Variants in KLHL5 observed in about 807,000 individuals in gnomAD.
KLHL5 encodes the protein kelch like family member 5.
In KLHL5, 48 loss-of-function variants were observed where a neutral mutation model predicts 77.7. That is an observed-to-expected ratio of 0.62 (90% CI 0.49 to 0.79). The LOEUF is 0.79. KLHL5 is among the 30% of genes least tolerant of loss of function. The pLI is 0.00. For missense variants in KLHL5, 723 were observed against 859.7 expected, an observed-to-expected ratio of 0.84 and a Z score of 1.99; for synonymous variants, 260 against 297.0, an observed-to-expected ratio of 0.88 and a Z score of 1.28.
intron 10 of KLHL5, among the ~76,000 whole-genome samples, chr4:39,116,618 GA>G (rs1722858908): frequency 6.6e-6 from 1 of 152,098 alleles, no homozygotes; most frequent in East Asian, 1.9e-4. Context: ...AAATGTGAAA[GA>G]AATGTCACCA....
intron 10 of KLHL5, among the ~76,000 whole-genome samples, chr4:39,119,868 A>G (rs1474636812): frequency 6.6e-6 from 1 of 152,234 alleles, no homozygotes; most frequent in Non-Finnish European, 1.5e-5. Context: ...ACATTTTGAT[A>G]TAAATGATTT....
chr4:39,077,671 G>A (rs565328341), intron 2 of KLHL5, among the ~76,000 whole-genome samples: 2 of 146,432 alleles, frequency 1.4e-5, no homozygotes, highest in African/African-American at 5.1e-5. Context: ...AAACAGTGTG[G>A]ATATTCCTTA....
intron 1 of KLHL5, among the ~76,000 whole-genome samples, chr4:39,065,685 A>T (rs1017362461): frequency 6.6e-6 from 1 of 152,108 alleles, no homozygotes; most frequent in African/African-American, 2.4e-5. Flanking sequence ...CTTTGGAACA[A>T]TTCTTTTTCT....
At position 39,098,294 on chromosome 4, in the gene KLHL5, G is replaced by A. The variant is rs528257885; in HGVS notation, c.1300+1416G>A. 1.3e-4 allele frequency among the ~76,000 whole-genome samples: 20 copies of A among 151,788 alleles called. No homozygotes were observed. In the East Asian group the frequency reaches 3.7e-3, roughly 28 times the overall value. ...TTTTTTTGTTTTGAGATAGAGTCTT[G>A]TTCTGTCACCCAGGCTGAAGTGCAG... On this transcript the variant is annotated intron_variant, in intron 6 of 10. Transcript: ENST00000504108.
At chr4:39,115,043 A>G (rs1655075621) in intron 9 of KLHL5, 116 bp from the exon 10 acceptor site, 1 of 890,246 alleles carries the variant, frequency 1.1e-6, no homozygotes, top group Non-Finnish European at 1.7e-6. Flanking sequence ...AATATGTTCA[A>G]ATGTATTTGA....
chr4:39,130,638 G>A (rs1021990436), downstream of KLHL5, among the ~76,000 whole-genome samples: 1 of 152,132 alleles, frequency 6.6e-6, no homozygotes, highest in Non-Finnish European at 1.5e-5. Flanking sequence ...GAACCCAGGT[G>A]ATTCTAATGT....
At chr4:39,135,239 A>C in the KLHL5 span, 1 of 152,230 alleles carries the variant, frequency 6.6e-6, no homozygotes, top group Non-Finnish European at 1.5e-5. Flanking sequence ...AGAAAGCAGT[A>C]GGAATATCGT....
intron 1 of KLHL5, among the ~76,000 whole-genome samples, chr4:39,064,077 G>T (rs780150287): frequency 9.9e-5 from 15 of 152,052 alleles, no homozygotes; most frequent in Non-Finnish European, 1.6e-4. Flanking sequence ...AATGATGTAG[G>T]TGTCATATGG....
chr4:39,074,910 C>T (rs567481307), intron 1 of KLHL5, among the ~76,000 whole-genome samples: 21 of 152,244 alleles, frequency 1.4e-4, no homozygotes, highest in Middle Eastern at 3.4e-3. Context: ...ACTTTGATTA[C>T]TTGATTTAAG....
Position 39,096,799 on chromosome 4 carries a change from G to A in KLHL5, c.1221G>A (p.Met407Ile), listed in dbSNP as rs574459148. The A allele has an allele frequency of 4.3e-6, 7 of 1,613,924 alleles. No homozygotes were observed. In the South Asian group the frequency reaches 7.7e-5, roughly 18 times the overall value. ...KYHLLPERRP[M>I]LQSPRTKPRK... ...ATTTATTACCAGAGAGACGACCCAT[G>A]TTACAAAGTCCTCGGACAAAACCTA... The change falls in exon 6 of 11, where the codon ATG (methionine) becomes ATA (isoleucine). Residue 407 changes from methionine (M) to isoleucine (I), a missense_variant. Met to Ile is a conservative substitution (Grantham distance 10). Around this residue, in one of 3 missense-constraint regions of KLHL5, gnomAD observed 288 missense variants for 400.3 expected, o/e 0.72. Coordinates refer to ENST00000504108, the MANE Select transcript of KLHL5 (RefSeq NM_015990.5).
intron 8 of KLHL5, among the ~76,000 whole-genome samples, chr4:39,108,973 C>A (rs1722246129): frequency 6.6e-6 from 1 of 152,074 alleles, no homozygotes; most frequent in Non-Finnish European, 1.5e-5. Context: ...TTTTCTTGCC[C>A]TCTAATGAGA....
chr4:39,113,672 G>T (rs1249664680), intron 9 of KLHL5, among the ~76,000 whole-genome samples: 3 of 152,218 alleles, frequency 2.0e-5, no homozygotes, highest in Non-Finnish European at 2.9e-5. Flanking sequence ...AGCAGTGGAA[G>T]ATTTGGATGG....
chr4:39,049,176 G>T (rs1307953338), intron 1 of KLHL5, among the ~76,000 whole-genome samples: 7 of 152,166 alleles, frequency 4.6e-5, no homozygotes, highest in Non-Finnish European at 7.3e-5. Flanking sequence ...AGCCAAATAT[G>T]TCAGTACAGT....
At chr4:39,082,761 C>T (rs533211600) in intron 4 of KLHL5, among the ~76,000 whole-genome samples, 2 of 152,278 alleles carry the variant, frequency 1.3e-5, no homozygotes, top group South Asian at 4.1e-4. Flanking sequence ...CAAACCTTCA[C>T]ATGTACCCCT....
intron 6 of KLHL5, among the ~76,000 whole-genome samples, chr4:39,097,517 G>A (rs1056972980): frequency 2.6e-5 from 4 of 152,204 alleles, no homozygotes; most frequent in Admixed American, 2.0e-4. Flanking sequence ...CATTGTGCAA[G>A]ATAGGTTGCA....
In KLHL5 at chr4:39,062,512, T is replaced by C. The variant is rs1717507668; in HGVS notation, c.-141T>C. ...TGGCATAAAAGTAATTGTAGATATATATATGAATGTGATTTATTTTCCTTT... is the reference window on the plus strand; with the variant it reads ...TGGCATAAAAGTAATTGTAGATATACATATGAATGTGATTTATTTTCCTTT... On this transcript the variant is annotated 5_prime_UTR_variant, in exon 1 of 11. Coordinates refer to ENST00000504108, the MANE Select transcript of KLHL5 (RefSeq NM_015990.5). 1.2e-6 allele frequency: 2 copies of C among 1,601,212 alleles called. No homozygotes were observed. The highest frequency in any genetic ancestry group is 2.7e-5 in the African/African-American group (2 of 74,638).
chr4:39,076,384 T>C (rs1719042498), intron 2 of KLHL5, among the ~76,000 whole-genome samples: 1 of 152,168 alleles, frequency 6.6e-6, no homozygotes, highest in East Asian at 1.9e-4. Context: ...TAAGTTGGTA[T>C]TGTTCGGTGT....
chr4:39,056,809 C>A (rs1717040349), intron 1 of KLHL5, among the ~76,000 whole-genome samples: 1 of 152,182 alleles, frequency 6.6e-6, no homozygotes, highest in African/African-American at 2.4e-5. Flanking sequence ...TGTTCTTCTT[C>A]CAGTCACTCA....
chr4:39,112,496 T>C (rs1182926101), intron 8 of KLHL5, among the ~76,000 whole-genome samples: 1 of 152,224 alleles, frequency 6.6e-6, no homozygotes, highest in Non-Finnish European at 1.5e-5. Flanking sequence ...GCAAGTCTCT[T>C]ACTCTCTGTG....
Sources: gnomAD v4.1 joint callset for allele counts (sites outside exome capture counted in the v4.1 genomes callset) on GRCh38, gnomAD v4.1.1 for gene constraint, gnomAD v4.1.1 regional missense constraint, MANE v1.5 for transcripts, NCBI Gene and HGNC (gene_info 2026-07-23, HGNC 2026-07-21) for gene names.